RBFOX1: variants seen among roughly 807,000 people sequenced by gnomAD.
RBFOX1 encodes the protein RNA binding fox-1 homolog 1.
A neutral mutation model predicts 57.7 loss-of-function variants in RBFOX1; 8 were observed. That is an observed-to-expected ratio of 0.14 (90% CI 0.08 to 0.25). The LOEUF (loss-of-function observed/expected upper bound fraction) is 0.25, where lower values mean the gene tolerates loss of function less well. Ranked by LOEUF, RBFOX1 falls within the 10% of genes least tolerant of loss-of-function variation. The probability of loss-of-function intolerance (pLI) is 1.00; values close to 1 mark genes in which losing one functional copy is unlikely to be tolerated. For synonymous variants in RBFOX1, 326 were observed against 222.4 expected (o/e 1.47, Z -4.15); for missense variants, 611 against 548.5 (o/e 1.11, Z -1.14).
intron 3 of RBFOX1, among the ~76,000 whole-genome samples, chr16:5,764,407 C>G (rs1243069338): frequency 6.6e-6 from 1 of 152,230 alleles, no homozygotes; most frequent in Non-Finnish European, 1.5e-5. Flanking sequence ...GTAAAGCCTG[C>G]AGAACCATGA....
At chr16:6,722,539 G>A (rs1303632798) in intron 3 of RBFOX1, among the ~76,000 whole-genome samples, 1 of 150,546 alleles carries the variant, frequency 6.6e-6, no homozygotes, top group African/African-American at 2.4e-5. Context: ...AAGTCATTTT[G>A]TATACTCAGT....
At chr16:6,872,573 A>G (rs542964067) in intron 3 of RBFOX1, among the ~76,000 whole-genome samples, 1 of 152,304 alleles carries the variant, frequency 6.6e-6, no homozygotes, top group African/African-American at 2.4e-5. Context: ...AAAAAAGATA[A>G]GAACGTTTGG....
intron 4 of RBFOX1, among the ~76,000 whole-genome samples, chr16:7,275,834 G>C (rs2153148042): frequency 6.6e-6 from 1 of 152,290 alleles, no homozygotes; most frequent in South Asian, 2.1e-4. Context: ...GGTAGATGAG[G>C]CTGTAGATAA....
At chr16:6,293,977 A>T (rs750171352) in intron 1 of RBFOX1, among the ~76,000 whole-genome samples, 3 of 152,172 alleles carry the variant, frequency 2.0e-5, no homozygotes, top group Non-Finnish European at 4.4e-5. Flanking sequence ...TAAAATAAAG[A>T]TGTAATGTTT....
At chr16:5,980,682 C>G (rs942257633) in intron 4 of RBFOX1, among the ~76,000 whole-genome samples, 12 of 152,102 alleles carry the variant, frequency 7.9e-5, no homozygotes, top group African/African-American at 2.9e-4. Context: ...TAATTAATAT[C>G]ATGAGGAGGT....
intron 3 of RBFOX1, among the ~76,000 whole-genome samples, chr16:6,680,991 T>G (rs932092631): frequency 2.0e-5 from 3 of 152,180 alleles, no homozygotes; most frequent in African/African-American, 7.2e-5. Context: ...AAACTTCAAA[T>G]TTCTGTACTG....
At chr16:7,081,960 G>C (rs370931747) in intron 4 of RBFOX1, among the ~76,000 whole-genome samples, 17 of 152,182 alleles carry the variant, frequency 1.1e-4, no homozygotes, top group Non-Finnish European at 1.9e-4. Flanking sequence ...ATCTGTGCTT[G>C]CTCCTGTGGC....
At chr16:5,910,153 G>T (rs564075332) in intron 4 of RBFOX1, among the ~76,000 whole-genome samples, 2 of 152,144 alleles carry the variant, frequency 1.3e-5, no homozygotes, top group African/African-American at 4.8e-5. Flanking sequence ...TCACATGGGG[G>T]TTTGTGAAGC....
intron 2 of RBFOX1, among the ~76,000 whole-genome samples, chr16:6,395,768 G>GT (rs1476185940): frequency 1.3e-5 from 2 of 152,054 alleles, no homozygotes; most frequent in African/African-American, 2.4e-5. Context: ...CAATAAAGCT[G>GT]TTTTTTAACA....
chr16:5,724,349 G>C (rs1381170867), intron 3 of RBFOX1, among the ~76,000 whole-genome samples: 2 of 152,142 alleles, frequency 1.3e-5, no homozygotes, highest in Non-Finnish European at 2.9e-5. Context: ...CATTTGGGGA[G>C]ATTATGCTGG....
chr16:6,370,810 TTAAAA>T (rs2090326793), intron 2 of RBFOX1, among the ~76,000 whole-genome samples: 2 of 152,232 alleles, frequency 1.3e-5, no homozygotes, highest in East Asian at 3.8e-4. Context: ...ATTGAATACT[TTAAAA>T]TAATTAAATT....
At chr16:7,202,992 G>A (rs1381394009) in intron 4 of RBFOX1, among the ~76,000 whole-genome samples, 2 of 152,096 alleles carry the variant, frequency 1.3e-5, no homozygotes, top group Non-Finnish European at 2.9e-5. Context: ...TTCACCGTGT[G>A]AGCCAGGATG....
intron 2 of RBFOX1, among the ~76,000 whole-genome samples, chr16:6,354,024 A>T (rs2086851499): frequency 6.6e-6 from 1 of 152,156 alleles, no homozygotes; most frequent in Admixed American, 6.5e-5. Context: ...GTTGAAGACC[A>T]GCCTCACCAA....
At chr16:6,722,694 C>T (rs1424655059) in intron 3 of RBFOX1, among the ~76,000 whole-genome samples, 1 of 152,188 alleles carries the variant, frequency 6.6e-6, no homozygotes, top group Non-Finnish European at 1.5e-5. Context: ...CTTGCAGTTG[C>T]ACAACCCATA....
intron 3 of RBFOX1, among the ~76,000 whole-genome samples, chr16:6,845,450 T>A (rs1264501505): frequency 6.6e-6 from 1 of 152,134 alleles, no homozygotes; most frequent in Non-Finnish European, 1.5e-5. Flanking sequence ...CTTTCCCCAT[T>A]GCTTGTTTTT....
chr16:7,053,709 G>A (rs1199145350), intron 4 of RBFOX1, among the ~76,000 whole-genome samples: 1 of 152,156 alleles, frequency 6.6e-6, no homozygotes, highest in Non-Finnish European at 1.5e-5. Flanking sequence ...TTCAAGAATG[G>A]AGTCTTCCCC....
At chr16:7,559,287 G>A (rs770933410) in intron 5 of RBFOX1, among the ~76,000 whole-genome samples, 19 of 151,308 alleles carry the variant, frequency 1.3e-4, no homozygotes, top group Admixed American at 5.9e-4. Flanking sequence ...ATTGTATTAC[G>A]TTATATACAT....
chr16:6,989,425 C>A (rs1437823928), intron 3 of RBFOX1, among the ~76,000 whole-genome samples: 1 of 152,066 alleles, frequency 6.6e-6, no homozygotes, highest in African/African-American at 2.4e-5. Context: ...TTTAACGGTG[C>A]AATTAGAACT....
At chr16:5,321,009 C>T (rs542433755) in intron 1 of RBFOX1, among the ~76,000 whole-genome samples, 38 of 152,308 alleles carry the variant, frequency 2.5e-4, no homozygotes, top group Non-Finnish European at 4.1e-4. Context: ...TTTATTTCCA[C>T]GTGTTGCTGC....
Sources: gnomAD v4.1 joint callset for allele counts (sites outside exome capture counted in the v4.1 genomes callset) on GRCh38, gnomAD v4.1.1 for gene constraint, MANE v1.5 for transcripts, NCBI Gene and HGNC (gene_info 2026-07-23, HGNC 2026-07-21) for gene names.